Variants in NUP210L observed in about 807,000 individuals in gnomAD.
NUP210L encodes the protein nucleoporin 210 like, also known as nuclear pore membrane glycoprotein 210-like.
In NUP210L, 74 loss-of-function variants were observed where a neutral mutation model predicts 208.5. The ratio of observed to expected loss-of-function variants is 0.35; its 90% CI spans 0.29 to 0.43. The LOEUF is 0.43. NUP210L is among the 20% of genes least tolerant of loss of function. The pLI is 1.00. For synonymous variants in NUP210L, 780 were observed against 816.9 expected (o/e 0.95, Z 0.77); for missense variants, 1,843 against 2,289.4 (o/e 0.81, Z 3.98).
intron 37 of NUP210L, among the ~76,000 whole-genome samples, chr1:153,997,206 C>T (rs1485935087): frequency 2.6e-5 from 4 of 151,774 alleles, no homozygotes; most frequent in African/African-American, 7.3e-5. Flanking sequence ...TCAGGTGATC[C>T]AACCACTTCG....
intron 37 of NUP210L, chr1:153,995,612 G>T: frequency 1.0e-6 from 1 of 965,424 alleles, no homozygotes; most frequent in South Asian, 1.3e-5. Context: ...TTCCAGGGAC[G>T]TTGTCTGCAG....
chr1:154,013,273 C>T (rs1651050554), intron 33 of NUP210L, among the ~76,000 whole-genome samples: 1 of 151,832 alleles, frequency 6.6e-6, no homozygotes, highest in Admixed American at 6.6e-5. Flanking sequence ...TGTATGACTC[C>T]CTATTAAAAT....
chr1:154,056,470 A>G (rs1653876631), intron 23 of NUP210L, among the ~76,000 whole-genome samples: 1 of 152,030 alleles, frequency 6.6e-6, no homozygotes, highest in Non-Finnish European at 1.5e-5. Context: ...GCTGGAGTGC[A>G]ATGGCACAAT....
At chr1:154,009,806 A>G (rs994121619) in intron 35 of NUP210L, among the ~76,000 whole-genome samples, 166 bp downstream of exon 35, 2 of 151,748 alleles carry the variant, frequency 1.3e-5, no homozygotes, top group South Asian at 2.1e-4. Flanking sequence ...AAAAAAAAAA[A>G]AAAGAAAAAA....
At chr1:154,102,021 C>T (rs955269503) in intron 13 of NUP210L, among the ~76,000 whole-genome samples, 8 of 151,914 alleles carry the variant, frequency 5.3e-5, no homozygotes, top group South Asian at 4.2e-4. Flanking sequence ...TGTAGTGGCA[C>T]GTGCATGTAG....
intron 25 of NUP210L, among the ~76,000 whole-genome samples, chr1:154,047,012 C>T (rs1653220720): frequency 6.6e-6 from 1 of 152,026 alleles, no homozygotes; most frequent in Admixed American, 6.5e-5. Context: ...GAGCCGAGAT[C>T]ATGCCATCGC....
intron 10 of NUP210L, among the ~76,000 whole-genome samples, chr1:154,126,011 G>A (rs1034064669): frequency 6.0e-5 from 9 of 150,470 alleles, no homozygotes; most frequent in Admixed American, 4.7e-4. Context: ...CTCGTGATCC[G>A]CCCGCCTCGG....
chr1:154,099,724 T>C (rs1042581498), intron 14 of NUP210L, among the ~76,000 whole-genome samples: 1 of 152,232 alleles, frequency 6.6e-6, no homozygotes, highest in African/African-American at 2.4e-5. Context: ...TCTGTACATA[T>C]TTTATACCTC....
At chr1:154,085,405 C>CA (rs1342790029) in intron 16 of NUP210L, among the ~76,000 whole-genome samples, 3 of 151,402 alleles carry the variant, frequency 2.0e-5, no homozygotes, top group African/African-American at 7.3e-5. Flanking sequence ...ATGATAGCAT[C>CA]AAAAAAGCAA....
intron 25 of NUP210L, among the ~76,000 whole-genome samples, chr1:154,047,143 G>A (rs1197257460): frequency 6.6e-6 from 1 of 152,060 alleles, no homozygotes; most frequent in African/African-American, 2.4e-5. Context: ...ATGATTAATG[G>A]GCAGAAAAAT....
chr1:154,105,045 C>A (rs1240358665), intron 12 of NUP210L, among the ~76,000 whole-genome samples: 1 of 152,122 alleles, frequency 6.6e-6, no homozygotes, highest in Non-Finnish European at 1.5e-5. Flanking sequence ...AGCTCAGCCA[C>A]AATAGAGCAT....
intron 28 of NUP210L, among the ~76,000 whole-genome samples, chr1:154,028,954 G>C (rs991431428): frequency 6.6e-5 from 10 of 151,988 alleles, no homozygotes; most frequent in African/African-American, 2.4e-4. Context: ...AATTAGCCGG[G>C]CATGGTGGTG....
chr1:154,008,166 C>T (rs1650680491), intron 35 of NUP210L, among the ~76,000 whole-genome samples: 1 of 152,096 alleles, frequency 6.6e-6, no homozygotes, highest in Admixed American at 6.6e-5. Flanking sequence ...GCCACTGCAC[C>T]CGGCCTGATT....
At chr1:154,113,472 A>G (rs1177108114) in intron 12 of NUP210L, among the ~76,000 whole-genome samples, 2 of 152,050 alleles carry the variant, frequency 1.3e-5, no homozygotes, top group Admixed American at 6.6e-5. Context: ...ACAATGAGCT[A>G]AGAACAGTTT....
chr1:154,017,995 C>T (rs111837672), intron 33 of NUP210L, among the ~76,000 whole-genome samples: 2,980 of 149,166 alleles, frequency 0.02, 108 homozygotes, highest in African/African-American at 0.07. Context: ...TTTTTGAGAG[C>T]GACTCTCACT....
intron 38 of NUP210L, 134 bp downstream of exon 38, chr1:153,994,942 G>C (rs1649737013): frequency 3.7e-6 from 2 of 547,302 alleles, no homozygotes; most frequent in Admixed American, 6.5e-5. Flanking sequence ...AACTCGGGCG[G>C]CAGAGGTTGC....
At position 154,025,700 on chromosome 1, in the gene NUP210L, C is replaced by T. The variant is rs201483933; in HGVS notation, c.3964G>A (p.Val1322Met). The T allele has an allele frequency of 1.0e-3, 1,692 of 1,612,574 alleles. 4 individuals are homozygous for T. The highest frequency in any genetic ancestry group is 1.8e-3 in the Admixed American group (109 of 59,922). ...AAACACTTGAGAACACGAGAACTCACGAAGGCAGCTCCTTCCCTAGGGAAC... is the reference window on the plus strand; with the variant it reads ...AAACACTTGAGAACACGAGAACTCATGAAGGCAGCTCCTTCCCTAGGGAAC... The change falls in exon 30 of 40, where the codon GTG becomes ATG. Residue 1322 changes from valine to methionine, a missense_variant. Around this residue, in one of 5 missense-constraint regions of NUP210L, gnomAD observed 781 missense variants for 973.8 expected, o/e 0.80. Transcript: ENST00000368559.
chr1:154,054,888 A>G (rs761369457), intron 23 of NUP210L, 56 bp from the exon 24 acceptor site: 31 of 1,247,530 alleles, frequency 2.5e-5, no homozygotes, highest in Non-Finnish European at 3.4e-5. Flanking sequence ...ATTTTATAAC[A>G]TATCATGGTC....
At chr1:154,110,337 T>A (rs1440361526) in intron 12 of NUP210L, among the ~76,000 whole-genome samples, 2 of 147,822 alleles carry the variant, frequency 1.4e-5, no homozygotes, top group Non-Finnish European at 3.0e-5. Flanking sequence ...TGTGGTGCAA[T>A]CTCAGCTCAC....
Sources: allele counts gnomAD v4.1 joint callset (sites outside exome capture counted in the v4.1 genomes callset), GRCh38; gene constraint gnomAD v4.1.1; regional missense constraint gnomAD v4.1.1; transcripts MANE v1.5; gene names NCBI Gene and HGNC (gene_info 2026-07-23, HGNC 2026-07-21).